UTP18: variants seen among roughly 807,000 people sequenced by gnomAD.
The protein encoded by UTP18 is U3 small nucleolar RNA-associated protein 18 homolog.
Under a neutral mutation model 61.1 loss-of-function variants are expected in UTP18, and 36 were observed. That is an observed-to-expected ratio of 0.59 (90% CI 0.45 to 0.78). UTP18 has a LOEUF of 0.78. Among genes scored for constraint, UTP18 ranks in the 30% least tolerant of loss-of-function variants. The probability of loss-of-function intolerance (pLI) is 0.00; values close to 1 mark genes in which losing one functional copy is unlikely to be tolerated. For synonymous variants in UTP18, 282 were observed against 251.1 expected, an observed-to-expected ratio of 1.12 and a Z score of -1.16; for missense variants, 753 against 693.9, an observed-to-expected ratio of 1.09 and a Z score of -0.96.
intron 9 of UTP18, among the ~76,000 whole-genome samples, chr17:51,284,856 T>A (rs1905052796): frequency 1.3e-5 from 2 of 151,804 alleles, no homozygotes; most frequent in Non-Finnish European, 2.9e-5. Context: ...AGGTCAAGAG[T>A]TCGAGACCAG....
chr17:51,292,137 A>G (rs919284291), intron 11 of UTP18, among the ~76,000 whole-genome samples: 5 of 152,248 alleles, frequency 3.3e-5, no homozygotes, highest in African/African-American at 1.2e-4. Flanking sequence ...AAATTTTGCA[A>G]TATCCATGTT....
chr17:51,267,388 A>G (rs1401426333), intron 3 of UTP18, among the ~76,000 whole-genome samples: 1 of 150,702 alleles, frequency 6.6e-6, no homozygotes, highest in Non-Finnish European at 1.5e-5. Context: ...TAAAGTGTAA[A>G]TTTGGTGGCA....
chr17:51,281,135 T>A (rs1293279395), intron 9 of UTP18, among the ~76,000 whole-genome samples: 1 of 142,384 alleles, frequency 7.0e-6, no homozygotes, highest in Non-Finnish European at 1.5e-5. Context: ...TGAGATCACG[T>A]CTCAAAATAT....
At position 51,285,259 on chromosome 17, in the gene UTP18, T is replaced by C; in HGVS notation, c.1219T>C (p.Tyr407His). 6.2e-7 allele frequency: 1 copy of C among 1,613,704 alleles called. No individual in the cohort carries two copies. The highest frequency in any genetic ancestry group is 1.1e-5 in the South Asian group (1 of 91,064). Reference protein sequence around the residue: ...VYASSGDGEVYVWDVNSRKCL... With the variant: ...VYASSGDGEVHVWDVNSRKCL... ...CTTTTATGCAGGGGATGGAGAAGTT[T>C]ATGTTTGGGATGTGAACTCAAGGAA... is the stretch of plus-strand genomic sequence containing the variant. Residue 407 changes from tyrosine (Y) to histidine (H), a missense_variant, in exon 10 of 14, where the codon TAT becomes CAT. By Grantham distance (83) the Tyr-to-His change is moderately conservative. Transcript: ENST00000225298.
In UTP18 at chr17:51,277,228, C is replaced by T; in HGVS notation, c.936C>T (p.Ala312=). ...CFSANGEEVL[A]TSTHSKVLYV... ...GTGCTAATGGGGAAGAAGTTTTAGC[C>T]ACGAGTACCCACAGCAAGGTTCTTT... The change falls in exon 7 of 14, where the codon GCC becomes GCT. Residue 312 remains alanine (A), a synonymous_variant. Transcript: ENST00000225298. The T allele has an allele frequency of 6.2e-7, 1 of 1,614,074 alleles. No homozygotes were observed. The highest frequency in any genetic ancestry group is 8.5e-7 in the Non-Finnish European group (1 of 1,180,020).
At chr17:51,276,253 C>G (rs1904717690) in intron 6 of UTP18, among the ~76,000 whole-genome samples, 1 of 152,192 alleles carries the variant, frequency 6.6e-6, no homozygotes, top group Non-Finnish European at 1.5e-5. Context: ...CACCCCTTGC[C>G]TGTTCACAGT....
chr17:51,269,050 C>CCCGAGGCGGGTGGATCGCTTGAGT (rs1360009489), intron 4 of UTP18, 146 bp downstream of exon 4: 16 of 740,036 alleles, frequency 2.2e-5, no homozygotes, highest in Non-Finnish European at 3.5e-5. Flanking sequence ...GCTTTGGGAG[C>CCCGAGGCGGGTGGATCGCTTGAGT]CCGAGGCGGG....
Position 51,285,438 on chromosome 17 carries a change from T to A in UTP18, c.1328+70T>A, listed in dbSNP as rs545446305. Reference sequence around the variant, plus strand: ...TGAGAATATGTTGAGGAATTGAATATACTAGGTGGTGCATGAGTAGTTCTC... The same window carrying A: ...TGAGAATATGTTGAGGAATTGAATAAACTAGGTGGTGCATGAGTAGTTCTC... On this transcript the variant is annotated intron_variant, in intron 10 of 13. Transcript: ENST00000225298. 118 of 1,550,862 alleles carry A rather than the reference T, an allele frequency of 7.6e-5. No individual in the cohort carries two copies. The African/African-American group carries it at 1.4e-3, about 19-fold the overall frequency.
At chr17:51,294,979 T>G (rs533990176) in intron 12 of UTP18, among the ~76,000 whole-genome samples, 2 of 152,152 alleles carry the variant, frequency 1.3e-5, no homozygotes, top group Non-Finnish European at 2.9e-5. Flanking sequence ...TTTCATGTGT[T>G]TTTTGGCTGC....
At chr17:51,286,982 C>CCG (rs146183479) in intron 10 of UTP18, among the ~76,000 whole-genome samples, 20,706 of 145,230 alleles carry the variant, frequency 0.14, 2,870 homozygotes, top group African/African-American at 0.36. Flanking sequence ...CCCCCTTCCC[C>CCG]CCCCGACCCA....
chr17:51,270,820 G>A (rs951138677), intron 4 of UTP18, among the ~76,000 whole-genome samples: 2 of 152,168 alleles, frequency 1.3e-5, no homozygotes, highest in Non-Finnish European at 2.9e-5. Flanking sequence ...GTGCACAGGA[G>A]AAAAAGGAAG....
chr17:51,276,383 T>TA (rs1346941954), intron 6 of UTP18, among the ~76,000 whole-genome samples: 3 of 152,204 alleles, frequency 2.0e-5, no homozygotes, highest in African/African-American at 7.2e-5. Flanking sequence ...CCACTGAATA[T>TA]AAAAGTTCAG....
At chr17:51,293,841 A>C (rs1567707792) in intron 11 of UTP18, 62 bp from the exon 12 acceptor site, 1 of 1,349,692 alleles carries the variant, frequency 7.4e-7, no homozygotes, top group East Asian at 2.6e-5. Context: ...AGTGAAGATT[A>C]CAATTTAAGA....
chr17:51,280,283 G>A (rs1473602625), intron 8 of UTP18, 106 bp from the exon 9 acceptor site: 3 of 1,370,214 alleles, frequency 2.2e-6, no homozygotes, highest in Non-Finnish European at 3.0e-6. Flanking sequence ...GAAAAATAAA[G>A]TTGAGTAGGT....
chr17:51,288,278 G>A (rs959045043), intron 11 of UTP18, 75 bp downstream of exon 11: 6 of 1,355,580 alleles, frequency 4.4e-6, no homozygotes, highest in Non-Finnish European at 6.0e-6. Context: ...TAACAGGAAA[G>A]GAGAGCGTTG....
Position 51,297,335 on chromosome 17 carries a change from A to G in UTP18, c.*14+332A>G, listed in dbSNP as rs2144453524. ...GAGAGATGGGTCTTCAGATATAGCT[A>G]TAGCTTGTATGAGCTTGAATCCTCT... On this transcript the variant is annotated intron_variant, in intron 13 of 13. Transcript: ENST00000225298. Among the ~76,000 whole-genome samples the G allele has an allele frequency of 2.0e-5, 3 of 152,330 alleles. No individual in the cohort carries two copies. The South Asian group carries it at 6.2e-4, about 32-fold the overall frequency.
chr17:51,269,966 TTG>T (rs1259291623), intron 4 of UTP18, among the ~76,000 whole-genome samples: 1 of 151,858 alleles, frequency 6.6e-6, no homozygotes, highest in South Asian at 2.1e-4. Context: ...AGTGATTGTT[TTG>T]TCTCAGCCAC....
intron 8 of UTP18, 104 bp from the exon 9 acceptor site, chr17:51,280,285 T>G: frequency 7.3e-7 from 1 of 1,374,446 alleles, no homozygotes; most frequent in African/African-American, 1.5e-5. Context: ...AAAATAAAGT[T>G]GAGTAGGTGC....
intron 13 of UTP18, 48 bp from the exon 14 acceptor site, chr17:51,297,734 A>G: frequency 2.3e-6 from 1 of 438,930 alleles, no homozygotes; most frequent in South Asian, 1.6e-5. Context: ...TCTGTTGATG[A>G]CCAGCAGCTA....
Sources: allele counts gnomAD v4.1 joint callset (sites outside exome capture counted in the v4.1 genomes callset), GRCh38; gene constraint gnomAD v4.1.1; transcripts MANE v1.5; gene names NCBI Gene and HGNC (gene_info 2026-07-23, HGNC 2026-07-21).